Variants in CTDSPL observed in about 807,000 individuals in gnomAD.
CTDSPL encodes CTD small phosphatase-like protein.
In CTDSPL, 8 loss-of-function variants were observed where a neutral mutation model predicts 30.5. The ratio of observed to expected loss-of-function variants is 0.26; its 90% CI spans 0.15 to 0.47. The LOEUF (loss-of-function observed/expected upper bound fraction) is 0.47, where lower values mean the gene tolerates loss of function less well. Among genes scored for constraint, CTDSPL ranks in the 20% least tolerant of loss-of-function variants. The probability of loss-of-function intolerance (pLI) is 0.99; values close to 1 mark genes in which losing one functional copy is unlikely to be tolerated. For missense variants in CTDSPL, 248 were observed against 366.1 expected (o/e 0.68, Z 2.63); for synonymous variants, 110 against 137.9 (o/e 0.80, Z 1.42).
intron 2 of CTDSPL, among the ~76,000 whole-genome samples, chr3:37,947,866 A>G (rs1699057188): frequency 2.0e-5 from 3 of 152,260 alleles, no homozygotes. Flanking sequence ...TTAATAACAA[A>G]CATGTTATAT....
At chr3:37,913,875 A>C (rs916633012) in intron 1 of CTDSPL, among the ~76,000 whole-genome samples, 1 of 152,222 alleles carries the variant, frequency 6.6e-6, no homozygotes, top group African/African-American at 2.4e-5. Flanking sequence ...AATAAGTTTC[A>C]GTATCCGGTG....
chr3:37,947,057 C>A lies in CTDSPL; in HGVS notation c.80C>A (p.Ala27Asp), dbSNP rs773458482. 7 of 1,612,510 alleles carry A rather than the reference C, an allele frequency of 4.3e-6. No homozygotes were observed. Among genetic ancestry groups the A allele is most frequent in the Non-Finnish European group, 5.9e-6 (7 of 1,179,098 alleles). The change falls in exon 2 of 8, where the codon GCC becomes GAC. Residue 27 changes from alanine to aspartate, a missense_variant and splice_region_variant. Physicochemically the swap from Ala to Asp is moderately radical, Grantham distance 126 (BLOSUM62 -2). Transcript: ENST00000273179. ...EGRLPGAGEK[A>D]SQCNVSLKKQ... ...TAGTGTGCTCTGTTTCTGTTTCCAG[C>A]CTCCCAGTGCAACGTCAGCTTAAAG...
rs906048213 is a variant in CTDSPL at position 37,932,503 on chromosome 3, G to A, written c.80-14554G>A. On this transcript the variant is annotated intron_variant, in intron 1 of 7. Transcript: ENST00000273179. ...AAATCAAAGAAAAAATAGAAAAATG[G>A]GCAAAAAAAGTATATAAGCAGAGTT... Among the ~76,000 whole-genome samples, 7 of 151,848 alleles carry A rather than the reference G, an allele frequency of 4.6e-5. No homozygotes were observed. In the South Asian group the frequency reaches 1.2e-3, roughly 27 times the overall value.
intron 6 of CTDSPL, among the ~76,000 whole-genome samples, chr3:37,974,622 A>G (rs995272786): frequency 7.2e-5 from 11 of 152,042 alleles, no homozygotes; most frequent in African/African-American, 2.7e-4. Flanking sequence ...AAACCCCTTT[A>G]TTTCTTTCTC....
chr3:37,980,359 G>A (rs1287903118), intron 7 of CTDSPL, among the ~76,000 whole-genome samples: 3 of 152,212 alleles, frequency 2.0e-5, no homozygotes, highest in South Asian at 2.1e-4. Flanking sequence ...TGGTTGGCTT[G>A]TAAGCTCTGG....
chr3:37,948,611 T>C (rs1200268212), intron 2 of CTDSPL, among the ~76,000 whole-genome samples: 1 of 152,174 alleles, frequency 6.6e-6, no homozygotes, highest in Non-Finnish European at 1.5e-5. Flanking sequence ...TCTGCAAGGC[T>C]GAGAACACTA....
intron 1 of CTDSPL, among the ~76,000 whole-genome samples, chr3:37,897,748 G>A (rs1415408342): frequency 1.3e-5 from 2 of 152,142 alleles, no homozygotes; most frequent in African/African-American, 4.8e-5. Context: ...TCAAGCATCA[G>A]AAGTGAGAAA....
At chr3:37,877,804 C>T (rs756101152) in intron 1 of CTDSPL, among the ~76,000 whole-genome samples, 1 of 152,182 alleles carries the variant, frequency 6.6e-6, no homozygotes, top group African/African-American at 2.4e-5. Flanking sequence ...CAAAGAGGGA[C>T]GGCAAGAGAG....
At chr3:37,875,828 A>G (rs1358527039) in intron 1 of CTDSPL, among the ~76,000 whole-genome samples, 2 of 152,388 alleles carry the variant, frequency 1.3e-5, no homozygotes, top group Admixed American at 1.3e-4. Context: ...TAAGTATAAA[A>G]TTTGAGTTGC....
At chr3:37,933,522 G>C (rs778124275) in intron 1 of CTDSPL, among the ~76,000 whole-genome samples, 2 of 152,122 alleles carry the variant, frequency 1.3e-5, no homozygotes, top group Non-Finnish European at 2.9e-5. Flanking sequence ...CTCATTTACT[G>C]TCTCTTGGAG....
intron 7 of CTDSPL, among the ~76,000 whole-genome samples, chr3:37,980,256 G>A (rs1699474672): frequency 6.6e-6 from 1 of 152,176 alleles, no homozygotes; most frequent in Admixed American, 6.5e-5. Flanking sequence ...AAGCAAGGGA[G>A]GAAATTTACC....
chr3:37,945,181 T>C (rs1699021577), intron 1 of CTDSPL, among the ~76,000 whole-genome samples: 1 of 150,200 alleles, frequency 6.7e-6, no homozygotes, highest in African/African-American at 2.4e-5. Flanking sequence ...GGCATAAAAA[T>C]TAAAACACCC....
At chr3:37,925,530 A>G (rs931634561) in intron 1 of CTDSPL, among the ~76,000 whole-genome samples, 3 of 152,156 alleles carry the variant, frequency 2.0e-5, no homozygotes, top group African/African-American at 7.2e-5. Flanking sequence ...TAGAATAGGA[A>G]CAAGCAGGGC....
intron 1 of CTDSPL, among the ~76,000 whole-genome samples, chr3:37,865,573 A>C (rs1288078464): frequency 6.6e-6 from 1 of 152,256 alleles, no homozygotes; most frequent in Non-Finnish European, 1.5e-5. Flanking sequence ...AACCAGATTT[A>C]CTGCAGCTTA....
chr3:37,898,928 A>G (rs1478489793), intron 1 of CTDSPL, among the ~76,000 whole-genome samples: 1 of 152,230 alleles, frequency 6.6e-6, no homozygotes, highest in Non-Finnish European at 1.5e-5. Context: ...AGAAAACAGC[A>G]GGTGCCAAAG....
intron 3 of CTDSPL, among the ~76,000 whole-genome samples, chr3:37,957,457 ACACCC>A (rs1699187227): frequency 6.6e-6 from 1 of 152,108 alleles, no homozygotes. Flanking sequence ...GGCCTCACCC[ACACCC>A]CACTATCTTA....
rs572796335 is a variant in CTDSPL at position 37,908,941 on chromosome 3, C to T, written c.80-38116C>T. ...GGAGTGGTCTTGGGTTATTCTTTTC[C>T]GTATATATGTAGCCTTTACTCAATA... On this transcript the variant is annotated intron_variant, in intron 1 of 7. Transcript: ENST00000273179. Among the ~76,000 whole-genome samples, 33 of 152,192 alleles carry T rather than the reference C, an allele frequency of 2.2e-4. No individual in the cohort carries two copies. The East Asian group carries it at 6.2e-3, about 28-fold the overall frequency.
intron 1 of CTDSPL, among the ~76,000 whole-genome samples, chr3:37,864,750 A>G (rs974937131): frequency 1.7e-4 from 26 of 151,936 alleles, no homozygotes; most frequent in African/African-American, 6.0e-4. Context: ...ATAATTTTAC[A>G]TTATGTAAAA....
At chr3:37,940,837 C>T (rs1213847822) in intron 1 of CTDSPL, among the ~76,000 whole-genome samples, 1 of 150,446 alleles carries the variant, frequency 6.6e-6, no homozygotes, top group Non-Finnish European at 1.5e-5. Flanking sequence ...GTCCACTACA[C>T]TCCCCATCTG....
Sources: gnomAD v4.1 joint callset for allele counts (sites outside exome capture counted in the v4.1 genomes callset) on GRCh38, gnomAD v4.1.1 for gene constraint, MANE v1.5 for transcripts, NCBI Gene and HGNC (gene_info 2026-07-23, HGNC 2026-07-21) for gene names.